TTBK2: variants seen among roughly 807,000 people sequenced by gnomAD.
TTBK2 encodes tau tubulin kinase 2.
TTBK2 carries 28 observed loss-of-function variants against 110.8 expected under a neutral mutation model. The ratio of observed to expected loss-of-function variants is 0.25; its 90% CI spans 0.19 to 0.35. The LOEUF is 0.35. Among genes scored for constraint, TTBK2 ranks in the 10% least tolerant of loss-of-function variants. The probability of loss-of-function intolerance (pLI) is 1.00; values close to 1 mark genes in which losing one functional copy is unlikely to be tolerated. For missense variants in TTBK2, 1,369 were observed against 1,500.3 expected, an observed-to-expected ratio of 0.91 and a Z score of 1.45; for synonymous variants, 532 against 527.3, an observed-to-expected ratio of 1.01 and a Z score of -0.12.
intron 3 of TTBK2, among the ~76,000 whole-genome samples, chr15:42,868,024 G>C (rs1894450351): frequency 6.6e-6 from 1 of 152,204 alleles, no homozygotes; most frequent in African/African-American, 2.4e-5. Flanking sequence ...ATTACTAAGT[G>C]AAAGAAGCCA....
chr15:42,903,086 T>C (rs946962713), intron 1 of TTBK2, among the ~76,000 whole-genome samples: 4 of 152,086 alleles, frequency 2.6e-5, no homozygotes, highest in Admixed American at 6.6e-5. Flanking sequence ...CTGTCGCCCA[T>C]GAGCCACCGT....
intron 1 of TTBK2, among the ~76,000 whole-genome samples, chr15:42,882,447 A>AAT (rs150094205): frequency 0.028 from 4,087 of 147,600 alleles, 159 homozygotes; most frequent in African/African-American, 0.088. Context: ...TAAAATACAA[A>AAT]ATATATATAT....
At chr15:42,771,296 G>A (rs1889664613) in intron 13 of TTBK2, among the ~76,000 whole-genome samples, 1 of 151,974 alleles carries the variant, frequency 6.6e-6, no homozygotes, top group African/African-American at 2.4e-5. Flanking sequence ...AACCTTCCCA[G>A]AAAGATTTTT....
chr15:42,772,211 T>G (rs979513435), intron 13 of TTBK2, among the ~76,000 whole-genome samples: 1 of 147,812 alleles, frequency 6.8e-6, no homozygotes, highest in Admixed American at 6.7e-5. Context: ...TCGGTGGGAA[T>G]GCATTCTCTT....
rs201384503 is a variant in TTBK2, at chr15:42,800,180, GT to G, written c.823-5380del. ...AATAATCTAGATTTTCTATTTTTCT[GT>G]TAATTCTAAAACTTTTATAATGACC... On this transcript the variant is annotated intron_variant, in intron 9 of 14. Coordinates refer to ENST00000267890, the MANE Select transcript of TTBK2 (RefSeq NM_173500.4). 1.5e-3 allele frequency: 609 copies of G among 394,954 alleles called. 2 individuals are homozygous for G. Among genetic ancestry groups the G allele is most frequent in the African/African-American group, 0.012 (559 of 46,494 alleles). The allele number at this position is 394,954 out of a possible 1,614,324, so 24.5% of individuals were successfully genotyped here.
intron 6 of TTBK2, among the ~76,000 whole-genome samples, chr15:42,822,591 A>G (rs1162853449): frequency 3.3e-5 from 5 of 152,194 alleles, no homozygotes; most frequent in African/African-American, 1.2e-4. Flanking sequence ...GCAGCAGACC[A>G]TGAGAGAAAA....
At chr15:42,760,911 T>C (rs1011377949) in intron 13 of TTBK2, among the ~76,000 whole-genome samples, 5 of 152,130 alleles carry the variant, frequency 3.3e-5, no homozygotes, top group Non-Finnish European at 7.3e-5. Context: ...GTTGGAGGTA[T>C]AACACTACCT....
intron 13 of TTBK2, among the ~76,000 whole-genome samples, chr15:42,770,940 G>A (rs1889640947): frequency 6.6e-6 from 1 of 151,896 alleles, no homozygotes; most frequent in Admixed American, 6.6e-5. Context: ...TGCCTTGCCA[G>A]GAAAGCCACA....
chr15:42,913,512 C>T (rs1325972716), intron 1 of TTBK2, among the ~76,000 whole-genome samples: 2 of 151,996 alleles, frequency 1.3e-5, no homozygotes, highest in Non-Finnish European at 2.9e-5. Context: ...GTGGTGGGCG[C>T]CTGTAGTCCC....
chr15:42,865,855 C>A (rs1894353797), intron 3 of TTBK2, among the ~76,000 whole-genome samples: 2 of 152,100 alleles, frequency 1.3e-5, no homozygotes, highest in Non-Finnish European at 2.9e-5. Flanking sequence ...AAGAACAAGA[C>A]AACAGATAGA....
At chr15:42,818,992 A>G (rs1892168917) in intron 6 of TTBK2, among the ~76,000 whole-genome samples, 1 of 151,192 alleles carries the variant, frequency 6.6e-6, no homozygotes, top group South Asian at 2.1e-4. Context: ...ACAAGAATCA[A>G]GTCAGTACCC....
chr15:42,872,751 T>C lies in TTBK2; in HGVS notation c.77A>G (p.Lys26Arg). ...TTCTCCAAAGCCCCCACCCCCAATC[T>C]TTCTCAACTGCACAGAAAATAAGAA... ...LVKERWKVLR[K>R]IGGGGFGEIY... The change falls in exon 3 of 15, where the codon AAG becomes AGG. Residue 26 changes from lysine (K) to arginine (R), a missense_variant. Physicochemically the swap from Lys to Arg is conservative, Grantham distance 26 (BLOSUM62 2). Coordinates refer to ENST00000267890, the MANE Select transcript of TTBK2 (RefSeq NM_173500.4). 3 of 1,613,960 alleles carry C rather than the reference T, an allele frequency of 1.9e-6. No homozygotes were observed. Among genetic ancestry groups the C allele is most frequent in the Non-Finnish European group, 2.5e-6 (3 of 1,179,958 alleles).
chr15:42,898,660 T>C (rs573145772), intron 1 of TTBK2, among the ~76,000 whole-genome samples: 99 of 152,322 alleles, frequency 6.5e-4, no homozygotes, highest in African/African-American at 2.3e-3. Flanking sequence ...ATAACATTAT[T>C]GGAAAAATAA....
At chr15:42,818,356 T>C (rs996245611) in intron 6 of TTBK2, among the ~76,000 whole-genome samples, 5 of 152,202 alleles carry the variant, frequency 3.3e-5, no homozygotes, top group African/African-American at 1.2e-4. Context: ...CTCTGAGAAG[T>C]ATATAACTTG....
chr15:42,883,927 A>G (rs1895146893), intron 1 of TTBK2, among the ~76,000 whole-genome samples: 1 of 152,144 alleles, frequency 6.6e-6, no homozygotes, highest in Non-Finnish European at 1.5e-5. Flanking sequence ...AAGAAACGGG[A>G]AAAAAGTATA....
chr15:42,832,126 C>A (rs1892786721), intron 4 of TTBK2, among the ~76,000 whole-genome samples: 1 of 152,108 alleles, frequency 6.6e-6, no homozygotes, highest in Non-Finnish European at 1.5e-5. Flanking sequence ...TTGTTCCCTG[C>A]ACCTGTAGCG....
intron 8 of TTBK2, among the ~76,000 whole-genome samples, 166 bp downstream of exon 8, chr15:42,811,522 T>C (rs1891719714): frequency 6.6e-6 from 1 of 152,208 alleles, no homozygotes; most frequent in Non-Finnish European, 1.5e-5. Context: ...TAACATTAAT[T>C]TGATCTCTAA....
In TTBK2 at chr15:42,830,546, C is replaced by T. The variant is rs543183689; in HGVS notation, c.292-468G>A. On this transcript the variant is annotated intron_variant, in intron 4 of 14. Coordinates refer to ENST00000267890, the MANE Select transcript of TTBK2 (RefSeq NM_173500.4). ...TCACTCAACAGATCTCTTAATCACA[C>T]GAATGTTTCAGACAAGTTTTAGAAA... 7.1e-4 allele frequency among the ~76,000 whole-genome samples: 108 copies of T among 152,126 alleles called. 2 individuals are homozygous for T. The South Asian group carries it at 0.02, about 29-fold the overall frequency.
In TTBK2 at chr15:42,811,319, C is replaced by G. The variant is rs544656414; in HGVS notation, c.696+369G>C. ...CAAAATAATTTATCTTAAATCTGAT[C>G]TACTTTTCTTTATCAACACATGTGT... On this transcript the variant is annotated intron_variant, in intron 8 of 14. Coordinates refer to ENST00000267890, the MANE Select transcript of TTBK2 (RefSeq NM_173500.4). Among the ~76,000 whole-genome samples, 4 of 152,258 alleles carry G rather than the reference C, an allele frequency of 2.6e-5. No individual in the cohort carries two copies. In the South Asian group the frequency reaches 8.3e-4, roughly 32 times the overall value.
Sources: allele counts gnomAD v4.1 joint callset (sites outside exome capture counted in the v4.1 genomes callset), GRCh38; gene constraint gnomAD v4.1.1; transcripts MANE v1.5; gene names NCBI Gene and HGNC (gene_info 2026-07-23, HGNC 2026-07-21).